Variants in SGK3 observed in about 807,000 individuals in gnomAD.
SGK3 encodes serine/threonine-protein kinase Sgk3.
A neutral mutation model predicts 68.5 loss-of-function variants in SGK3; 47 were observed. The observed-to-expected ratio is 0.69, with a 90% CI of 0.54 to 0.87. The LOEUF is 0.87. Ranked by LOEUF, SGK3 falls within the 40% of genes least tolerant of loss-of-function variation. The pLI, the probability that SGK3 is intolerant of heterozygous loss-of-function variation, is 0.00. For synonymous variants in SGK3, 181 were observed against 189.1 expected, an observed-to-expected ratio of 0.96 and a Z score of 0.35; for missense variants, 479 against 575.5, an observed-to-expected ratio of 0.83 and a Z score of 1.72.
At chr8:66,814,678 A>G (rs1483818626) in intron 5 of SGK3, among the ~76,000 whole-genome samples, 4 of 152,186 alleles carry the variant, frequency 2.6e-5, no homozygotes, top group Non-Finnish European at 5.9e-5. Flanking sequence ...TCTCAACACA[A>G]TAGTCCAGCA....
intron 15 of SGK3, among the ~76,000 whole-genome samples, chr8:66,850,255 C>G (rs1182136223): frequency 6.6e-6 from 1 of 152,148 alleles, no homozygotes; most frequent in African/African-American, 2.4e-5. Context: ...CTTTTTTAAC[C>G]CACCAAATTA....
chr8:66,806,969 T>A (rs1808195262), intron 4 of SGK3, among the ~76,000 whole-genome samples: 1 of 152,156 alleles, frequency 6.6e-6, no homozygotes. Flanking sequence ...TGGGCCTTAG[T>A]GGCATTTGAG....
intron 14 of SGK3, among the ~76,000 whole-genome samples, chr8:66,844,789 G>GC (rs1308075459): frequency 6.6e-6 from 1 of 152,228 alleles, no homozygotes; most frequent in African/African-American, 2.4e-5. Context: ...ACATTTCAGA[G>GC]CGTTTGTTTT....
intron 1 of SGK3, among the ~76,000 whole-genome samples, chr8:66,746,137 A>C (rs1258175922): frequency 6.6e-6 from 1 of 152,102 alleles, no homozygotes; most frequent in Non-Finnish European, 1.5e-5. Context: ...CCATTGCATC[A>C]AATTCTGGGC....
rs998593375 is a variant in SGK3 at position 66,768,762 on chromosome 8, A to C, written c.-121-24854A>C. On this transcript the variant is annotated intron_variant, in intron 1 of 16. Coordinates refer to ENST00000521198, the MANE Select transcript of SGK3 (RefSeq NM_001033578.3). ...GTATTTTTAGTAGAGTCAGGGTTTC[A>C]CCATATTTACCAGGCTCGTCTCGAA... Among the ~76,000 whole-genome samples, 8 of 151,878 alleles carry C rather than the reference A, an allele frequency of 5.3e-5. No individual in the cohort carries two copies. The South Asian group carries it at 1.7e-3, about 32-fold the overall frequency.
chr8:66,836,620 G>A (rs1451043462), intron 10 of SGK3, among the ~76,000 whole-genome samples: 2 of 148,074 alleles, frequency 1.4e-5, no homozygotes, highest in African/African-American at 2.5e-5. Context: ...GTAACAGAAC[G>A]AGACCCCATC....
chr8:66,754,003 AT>A (rs1805904091), intron 1 of SGK3, among the ~76,000 whole-genome samples: 1 of 152,102 alleles, frequency 6.6e-6, no homozygotes, highest in Non-Finnish European at 1.5e-5. Flanking sequence ...CTGAACTCCA[AT>A]TGCCCTCTAG....
intron 15 of SGK3, among the ~76,000 whole-genome samples, chr8:66,847,901 A>C (rs1481480252): frequency 7.0e-6 from 1 of 142,860 alleles, no homozygotes; most frequent in African/African-American, 2.6e-5. Context: ...ATTTGGTGAG[A>C]CCTCCTTGAG....
At position 66,784,093 on chromosome 8, in the gene SGK3, C is replaced by A. The variant is rs191933096; in HGVS notation, c.-121-9523C>A. On this transcript the variant is annotated intron_variant, in intron 1 of 16. Coordinates refer to ENST00000521198, the MANE Select transcript of SGK3 (RefSeq NM_001033578.3). ...TTAAACTTTTTTTTGTGGAGACAGG[C>A]TCTCACTATATTTCCCAGGCTGATA... 2.2e-4 allele frequency among the ~76,000 whole-genome samples: 33 copies of A among 151,916 alleles called. No individual in the cohort carries two copies. The East Asian group carries it at 6.4e-3, about 29-fold the overall frequency.
At chr8:66,783,923 T>C (rs1585710684) in intron 1 of SGK3, among the ~76,000 whole-genome samples, 1 of 152,116 alleles carries the variant, frequency 6.6e-6, no homozygotes, top group East Asian at 1.9e-4. Context: ...ACAGTCTTGC[T>C]CTGTTGCCCA....
At chr8:66,804,982 G>T (rs1808091673) in intron 4 of SGK3, among the ~76,000 whole-genome samples, 1 of 152,102 alleles carries the variant, frequency 6.6e-6, no homozygotes, top group Admixed American at 6.5e-5. Context: ...AGGAGGCTGA[G>T]GCGAGAGGAT....
intron 5 of SGK3, among the ~76,000 whole-genome samples, chr8:66,815,851 C>T (rs1324910527): frequency 1.3e-5 from 2 of 152,104 alleles, no homozygotes; most frequent in East Asian, 3.8e-4. Flanking sequence ...TTTTAAATTG[C>T]CAGTTTCCAA....
chr8:66,760,336 T>TTTC (rs1806123459), intron 1 of SGK3, among the ~76,000 whole-genome samples: 1 of 111,336 alleles, frequency 9.0e-6, no homozygotes, highest in African/African-American at 5.3e-5. Flanking sequence ...TTTTCTTTTT[T>TTTC]TTTTTTTTTT....
At chr8:66,848,818 G>A (rs964141539) in intron 15 of SGK3, among the ~76,000 whole-genome samples, 1 of 152,092 alleles carries the variant, frequency 6.6e-6, no homozygotes, top group Non-Finnish European at 1.5e-5. Flanking sequence ...AGCCAAACTT[G>A]TTGGAAGTTT....
intron 2 of SGK3, among the ~76,000 whole-genome samples, chr8:66,796,140 T>C (rs773260368): frequency 1.3e-5 from 2 of 151,476 alleles, no homozygotes; most frequent in Non-Finnish European, 2.9e-5. Flanking sequence ...TTTTTATTTA[T>C]TTTATTTATT....
chr8:66,723,150 T>G (rs1804873354), intron 1 of SGK3, among the ~76,000 whole-genome samples: 1 of 122,124 alleles, frequency 8.2e-6, no homozygotes, highest in African/African-American at 3.1e-5. Context: ...TTTTTTTTTT[T>G]TTGTAAAAGG....
At chr8:66,804,560 C>A in intron 4 of SGK3, 113 bp downstream of exon 4, 1 of 1,095,570 alleles carries the variant, frequency 9.1e-7, no homozygotes, top group Non-Finnish European at 1.3e-6. Flanking sequence ...ATCTTATGCT[C>A]TGTGAAAATA....
At chr8:66,767,004 A>ACACCT (rs371802489) in intron 1 of SGK3, among the ~76,000 whole-genome samples, 2 of 152,126 alleles carry the variant, frequency 1.3e-5, no homozygotes, top group African/African-American at 4.8e-5. Context: ...ATGCACCACC[A>ACACCT]CACCTGGCTA....
intron 1 of SGK3, among the ~76,000 whole-genome samples, chr8:66,760,498 C>A (rs995747875): frequency 6.6e-6 from 1 of 151,930 alleles, no homozygotes; most frequent in Non-Finnish European, 1.5e-5. Context: ...CCACACCCGG[C>A]TAACTTTTTG....
Sources: gnomAD v4.1 joint callset for allele counts (sites outside exome capture counted in the v4.1 genomes callset) on GRCh38, gnomAD v4.1.1 for gene constraint, MANE v1.5 for transcripts, NCBI Gene and HGNC (gene_info 2026-07-23, HGNC 2026-07-21) for gene names.